The following CD81 variants were observed in gnomAD, a reference collection of about 807,000 sequenced individuals.
The protein encoded by CD81 is CD81 molecule.
Under a neutral mutation model 30.1 loss-of-function variants are expected in CD81, and 10 were observed. The observed-to-expected ratio is 0.33, with a 90% CI of 0.21 to 0.56. The LOEUF is 0.56. Among genes scored for constraint, CD81 ranks in the 20% least tolerant of loss-of-function variants. CD81 has a pLI of 0.89. For missense variants in CD81, 263 were observed against 308.7 expected, an observed-to-expected ratio of 0.85 and a Z score of 1.11; for synonymous variants, 147 against 126.4, an observed-to-expected ratio of 1.16 and a Z score of -1.10.
chr11:2,376,630 C>T (rs1345035710), upstream of CD81, among the ~76,000 whole-genome samples: 2 of 152,312 alleles, frequency 1.3e-5, no homozygotes, highest in East Asian at 3.9e-4. Context: ...GGAGGTTCTC[C>T]TATAGGTGTC....
Position 2,397,184 on chromosome 11 carries a change from ACT to A in CD81, c.*320_*321del. ...TCTCCTGGGAGCCACTCGCCCAGAGACTCAGCTTGGCCAACTTGGGGGGCTGT... is the reference window on the plus strand; with the variant it reads ...TCTCCTGGGAGCCACTCGCCCAGAGACAGCTTGGCCAACTTGGGGGGCTGT... On this transcript the variant is annotated 3_prime_UTR_variant, in exon 8 of 8. Coordinates refer to ENST00000263645, the MANE Select transcript of CD81 (RefSeq NM_004356.4). 1 of 438,712 alleles carries A rather than the reference ACT, an allele frequency of 2.3e-6. No homozygotes were observed. Among genetic ancestry groups the A allele is most frequent in the Non-Finnish European group, 4.2e-6 (1 of 236,974 alleles). 27.2% of individuals were successfully genotyped at this position (438,712 alleles called of 1,614,324 possible).
intron 3 of CD81, 74 bp downstream of exon 3, chr11:2,394,266 A>C: frequency 1.0e-6 from 1 of 987,614 alleles, no homozygotes; most frequent in South Asian, 1.3e-5. Flanking sequence ...AGGAGGGGGC[A>C]GAGCTGGTGC....
Position 2,395,888 on chromosome 11 carries a change from G to A in CD81, c.479G>A (p.Ser160Asn). 1 of 1,611,974 alleles carries A rather than the reference G, an allele frequency of 6.2e-7. No homozygotes were observed. Among genetic ancestry groups the A allele is most frequent in the Non-Finnish European group, 8.5e-7 (1 of 1,179,390 alleles). Residue 160 changes from serine to asparagine, a missense_variant, in exon 6 of 8, where the codon AGC (serine) becomes AAC (asparagine). This residue lies in a region of CD81 where 176 missense variants were observed against 192.9 expected (regional missense o/e 0.91). Coordinates refer to ENST00000263645, the MANE Select transcript of CD81 (RefSeq NM_004356.4). ...FHETLDCCGSSTLTALTTSVL... is the reference protein window; with the variant it reads ...FHETLDCCGSNTLTALTTSVL... ...CTGCAGCTTGACTGCTGTGGCTCCAGCACACTGACTGCTTTGACCACCTCA... is the reference window on the plus strand; with the variant it reads ...CTGCAGCTTGACTGCTGTGGCTCCAACACACTGACTGCTTTGACCACCTCA...
At chr11:2,376,475 A>G (rs1386588403), upstream of CD81, 1 of 152,234 alleles carries the variant, frequency 6.6e-6, no homozygotes, top group African/African-American at 2.4e-5. Context: ...TCTGGGGAGA[A>G]AGCACCCTTC....
At chr11:2,380,572 C>T (rs1036134048) in intron 1 of CD81, among the ~76,000 whole-genome samples, 4 of 152,142 alleles carry the variant, frequency 2.6e-5, no homozygotes, top group African/African-American at 7.2e-5. Flanking sequence ...TCCCTGGGTG[C>T]GCGGCGGGCC....
At chr11:2,395,346 T>TGGGGCGGGGC in intron 4 of CD81, 70 bp from the exon 5 acceptor site, 1 of 1,186,302 alleles carries the variant, frequency 8.4e-7, no homozygotes, top group South Asian at 1.3e-5. Context: ...TGCGTCCGCC[T>TGGGGCGGGGC]GGGGCGGGGC....
rs755947408 is a variant in CD81 at position 2,396,898 on chromosome 11, CAGTGCCCCCTA to C, written c.*37_*47del. The C allele has an allele frequency of 1.2e-6, 2 of 1,605,212 alleles. No individual in the cohort carries two copies. Among genetic ancestry groups the C allele is most frequent in the African/African-American group, 2.7e-5 (2 of 74,798 alleles). On this transcript the variant is annotated 3_prime_UTR_variant, in exon 8 of 8. Transcript: ENST00000263645. ...GCAGCTCTGGCCACAGGGACCTCTGCAGTGCCCCCTAAGTGACCCGGACACTTCCGAGGGGG... is the reference window on the plus strand; with the variant it reads ...GCAGCTCTGGCCACAGGGACCTCTGCAGTGACCCGGACACTTCCGAGGGGG...
upstream of CD81, chr11:2,377,297 G>A (rs1038937894): frequency 6.6e-6 from 1 of 151,746 alleles, no homozygotes; most frequent in Non-Finnish European, 1.5e-5. The surrounding 1 kb of genome is among the most constrained non-coding windows in gnomAD (Gnocchi z 7.7). Flanking sequence ...ACTGCGGAGC[G>A]AGGCGCGCGC....
chr11:2,386,223 T>C (rs1849796346), intron 1 of CD81: 2 of 701,082 alleles, frequency 2.9e-6, no homozygotes, highest in Non-Finnish European at 5.3e-6. Flanking sequence ...TGTTCCTGTT[T>C]TTTGCCCATC....
intron 6 of CD81, 101 bp from the exon 7 acceptor site, chr11:2,396,527 C>T: frequency 9.6e-7 from 1 of 1,041,530 alleles, no homozygotes; most frequent in Non-Finnish European, 1.5e-6. Flanking sequence ...CCCAGGATTC[C>T]CCTCTACGCT....
intron 1 of CD81, among the ~76,000 whole-genome samples, chr11:2,387,185 G>A (rs1332761938): frequency 1.3e-5 from 2 of 152,258 alleles, no homozygotes; most frequent in African/African-American, 2.4e-5. Context: ...AGCAGCTTCC[G>A]AGCCAGGCAC....
chr11:2,390,230 G>C, intron 1 of CD81, 182 bp from the exon 2 acceptor site: 1 of 671,574 alleles, frequency 1.5e-6, no homozygotes, highest in South Asian at 1.6e-5. Context: ...CAAAGCACCC[G>C]CCCCATGCTC....
intron 2 of CD81, chr11:2,392,543 GCCACACGA>G (rs1250871248): frequency 1.3e-5 from 2 of 152,344 alleles, no homozygotes; most frequent in Non-Finnish European, 2.9e-5. Flanking sequence ...CGTTGTGTTG[GCCACACGA>G]CCACAGGACC....
intron 1 of CD81, among the ~76,000 whole-genome samples, chr11:2,381,566 C>A (rs1849705751): frequency 6.6e-6 from 1 of 152,262 alleles, no homozygotes; most frequent in Non-Finnish European, 1.5e-5. Flanking sequence ...ACGGGAAGAG[C>A]TTTGCTCATA....
At chr11:2,382,017 C>T (rs367803126) in intron 1 of CD81, among the ~76,000 whole-genome samples, 1 of 152,244 alleles carries the variant, frequency 6.6e-6, no homozygotes, top group African/African-American at 2.4e-5. Context: ...GGCTGCAGAG[C>T]AAGTGCTGAA....
chr11:2,393,574 C>G (rs1031192002), intron 2 of CD81: 1 of 403,296 alleles, frequency 2.5e-6, no homozygotes, highest in Admixed American at 4.0e-5. Context: ...CAGCAGGGCC[C>G]CCCCACCCTC....
intron 1 of CD81, chr11:2,386,290 G>A (rs1277709982): frequency 7.6e-6 from 5 of 655,224 alleles, no homozygotes; most frequent in Non-Finnish European, 8.4e-6. Context: ...CTCTGCATAC[G>A]TTCAGGGCAC....
At chr11:2,382,786 A>G (rs1253090014) in intron 1 of CD81, among the ~76,000 whole-genome samples, 5 of 152,098 alleles carry the variant, frequency 3.3e-5, no homozygotes, top group Admixed American at 6.6e-5. Context: ...AGGGCATGAG[A>G]CTCACCCCAG....
At chr11:2,376,609 A>G (rs1445057159), upstream of CD81, among the ~76,000 whole-genome samples, 1 of 152,176 alleles carries the variant, frequency 6.6e-6, no homozygotes, top group Admixed American at 6.5e-5. Flanking sequence ...GACGAAATAG[A>G]TGCAATATCT....
Sources: gnomAD v4.1 joint callset for allele counts (sites outside exome capture counted in the v4.1 genomes callset) on GRCh38, gnomAD v4.1.1 for gene constraint, gnomAD v4.1.1 regional missense constraint, Gnocchi (gnomAD v3.1) non-coding constraint, MANE v1.5 for transcripts, NCBI Gene and HGNC (gene_info 2026-07-23, HGNC 2026-07-21) for gene names.